PLCL2: variants seen among roughly 807,000 people sequenced by gnomAD.
PLCL2 encodes inactive phospholipase C-like protein 2.
Under a neutral mutation model 79.6 loss-of-function variants are expected in PLCL2, and 4 were observed. That is an observed-to-expected ratio of 0.05 (90% CI 0.02 to 0.11). The LOEUF (loss-of-function observed/expected upper bound fraction) is 0.11, where lower values mean the gene tolerates loss of function less well. PLCL2 is among the 10% of genes least tolerant of loss of function. The pLI, the probability that PLCL2 is intolerant of heterozygous loss-of-function variation, is 1.00. For synonymous variants in PLCL2, 484 were observed against 457.7 expected, an observed-to-expected ratio of 1.06 and a Z score of -0.73; for missense variants, 895 against 1,291.0, an observed-to-expected ratio of 0.69 and a Z score of 4.70.
chr3:16,960,446 C>T (rs752021365), intron 1 of PLCL2, among the ~76,000 whole-genome samples: 3 of 152,190 alleles, frequency 2.0e-5, no homozygotes, highest in Non-Finnish European at 4.4e-5. Flanking sequence ...TCCTTATTTG[C>T]TTTGACATTT....
chr3:17,049,729 T>TACTAC (rs1242751643), intron 4 of PLCL2, among the ~76,000 whole-genome samples: 2 of 152,078 alleles, frequency 1.3e-5, no homozygotes, highest in South Asian at 4.1e-4. Flanking sequence ...ATTGGAAGAA[T>TACTAC]CAATATTGTT....
chr3:17,080,627 T>G (rs2065153721), intron 5 of PLCL2, among the ~76,000 whole-genome samples: 1 of 152,278 alleles, frequency 6.6e-6, no homozygotes, highest in South Asian at 2.1e-4. Flanking sequence ...ATTTTTGTAT[T>G]TTTAGTAGAG....
intron 1 of PLCL2, among the ~76,000 whole-genome samples, chr3:17,003,279 G>T (rs934675242): frequency 1.3e-5 from 2 of 152,154 alleles, no homozygotes; most frequent in African/African-American, 4.8e-5. Flanking sequence ...GGTCATTAGT[G>T]TTGGGAAGAT....
At chr3:16,988,699 C>A (rs1213621899) in intron 1 of PLCL2, among the ~76,000 whole-genome samples, 1 of 151,996 alleles carries the variant, frequency 6.6e-6, no homozygotes, top group Admixed American at 6.6e-5. Flanking sequence ...AAGTGGTTAT[C>A]CTGACTGAGC....
At position 16,946,953 on chromosome 3, in the gene PLCL2, C is replaced by CTTTTTTTTTTTTTTT. The variant is rs1056023349; in HGVS notation, c.327+61593_327+61607dup. On this transcript the variant is annotated intron_variant, in intron 1 of 5. Transcript: ENST00000615277. ...ATGAATATAAAATTAAAGTTTCATT[C>CTTTTTTTTTTTTTTT]TTTTTTTTTTTTTTTTTTTTGAGAC... 1.5e-4 allele frequency among the ~76,000 whole-genome samples: 14 copies of CTTTTTTTTTTTTTTT among 95,402 alleles called. 4 individuals carry two copies. Among genetic ancestry groups the CTTTTTTTTTTTTTTT allele is most frequent in the African/African-American group, 2.6e-4 (6 of 23,030 alleles). 62.6% of individuals were successfully genotyped at this position (95,402 alleles called of 152,430 possible).
chr3:16,922,609 C>T (rs924307556), intron 1 of PLCL2, among the ~76,000 whole-genome samples: 2 of 152,130 alleles, frequency 1.3e-5, no homozygotes, highest in Middle Eastern at 6.8e-3. Context: ...TGAAGATATC[C>T]TGTATGGGAT....
intron 1 of PLCL2, among the ~76,000 whole-genome samples, chr3:16,908,348 C>A (rs999635004): frequency 6.6e-6 from 1 of 152,120 alleles, no homozygotes; most frequent in African/African-American, 2.4e-5. Context: ...TCAATATCAT[C>A]AACTATCAAC....
intron 1 of PLCL2, among the ~76,000 whole-genome samples, chr3:16,915,545 T>G (rs1696973629): frequency 6.6e-6 from 1 of 152,220 alleles, no homozygotes; most frequent in African/African-American, 2.4e-5. Flanking sequence ...GATATATTTT[T>G]TTGTAGTATA....
chr3:16,935,327 G>A (rs1325450435), intron 1 of PLCL2, among the ~76,000 whole-genome samples: 1 of 151,914 alleles, frequency 6.6e-6, no homozygotes, highest in East Asian at 1.9e-4. Flanking sequence ...TTTGTTGCAG[G>A]ATTTCTCTCA....
rs144259760 is a variant in PLCL2 at position 17,079,536 on chromosome 3, A to T, written c.3205-10197A>T. Among the ~76,000 whole-genome samples, 13 of 152,290 alleles carry T rather than the reference A, an allele frequency of 8.5e-5. No homozygotes were observed. The East Asian group carries it at 2.5e-3, about 29-fold the overall frequency. On this transcript the variant is annotated intron_variant, in intron 5 of 5. Coordinates refer to ENST00000615277, the MANE Select transcript of PLCL2 (RefSeq NM_001144382.2). ...TAAATGGTTGGGCTCCAGAGGTGCC[A>T]TATGTTGGAGTCACGGTCACTCCTC... is the stretch of plus-strand genomic sequence containing the variant.
chr3:17,081,048 C>T (rs2065157594), intron 5 of PLCL2: 9 of 398,640 alleles, frequency 2.3e-5, no homozygotes, highest in South Asian at 1.1e-4. Flanking sequence ...AGACTCTACC[C>T]GTAATCTCTC....
At chr3:17,085,076 A>G (rs999316066) in intron 5 of PLCL2, among the ~76,000 whole-genome samples, 6 of 152,214 alleles carry the variant, frequency 3.9e-5, no homozygotes, top group African/African-American at 7.2e-5. Flanking sequence ...ATAATGAGCA[A>G]TTATGGCAGG....
intron 1 of PLCL2, among the ~76,000 whole-genome samples, chr3:16,901,731 A>G (rs1332755354): frequency 6.6e-6 from 1 of 152,116 alleles, no homozygotes. Flanking sequence ...ACGTTCTAAA[A>G]AACAAGAAAG....
At chr3:17,082,139 G>GTTT (rs58877063) in intron 5 of PLCL2, among the ~76,000 whole-genome samples, 15,188 of 101,054 alleles carry the variant, frequency 0.15, 1,499 homozygotes, top group East Asian at 0.32. Context: ...CTCTTTCAGA[G>GTTT]TTTTTTTTTT....
At chr3:16,970,205 TC>T (rs925187068) in intron 1 of PLCL2, among the ~76,000 whole-genome samples, 4 of 151,646 alleles carry the variant, frequency 2.6e-5, no homozygotes, top group African/African-American at 4.9e-5. Flanking sequence ...ATGCTATCTC[TC>T]CCCCCTCCCC....
At chr3:16,926,682 A>T (rs2124939364) in intron 1 of PLCL2, among the ~76,000 whole-genome samples, 1 of 151,722 alleles carries the variant, frequency 6.6e-6, no homozygotes, top group South Asian at 2.1e-4. Flanking sequence ...CCCACGCTGG[A>T]GTGCAGTGGT....
chr3:16,984,509 A>G (rs2064029399), intron 1 of PLCL2, among the ~76,000 whole-genome samples: 2 of 152,254 alleles, frequency 1.3e-5, no homozygotes, highest in South Asian at 4.1e-4. Flanking sequence ...GTTTGTATTA[A>G]TCTGCGTGGT....
At chr3:16,895,996 G>C (rs1480474643) in intron 1 of PLCL2, among the ~76,000 whole-genome samples, 4 of 152,150 alleles carry the variant, frequency 2.6e-5, no homozygotes. Flanking sequence ...AGTGATGTTT[G>C]GTTTCTGCAT....
At chr3:16,951,919 C>G (rs972817191) in intron 1 of PLCL2, among the ~76,000 whole-genome samples, 88 of 151,880 alleles carry the variant, frequency 5.8e-4, no homozygotes, top group African/African-American at 2.0e-3. Context: ...TGTGAATATA[C>G]AAAAAATTAA....
Sources: gnomAD v4.1 joint callset for allele counts (sites outside exome capture counted in the v4.1 genomes callset) on GRCh38, gnomAD v4.1.1 for gene constraint, MANE v1.5 for transcripts, NCBI Gene and HGNC (gene_info 2026-07-23, HGNC 2026-07-21) for gene names.